The following HS6ST3 variants were observed in gnomAD, a reference collection of about 807,000 sequenced individuals.
HS6ST3 encodes heparan-sulfate 6-O-sulfotransferase 3.
Under a neutral mutation model 36.7 loss-of-function variants are expected in HS6ST3, and 12 were observed. That is an observed-to-expected ratio of 0.33 (90% CI 0.21 to 0.53). The LOEUF is 0.53. Ranked by LOEUF, HS6ST3 falls within the 20% of genes least tolerant of loss-of-function variation. The pLI is 0.95. For missense variants in HS6ST3, 584 were observed against 640.9 expected (o/e 0.91, Z 0.96); for synonymous variants, 240 against 257.5 (o/e 0.93, Z 0.65).
chr13:96,293,892 A>G (rs1043390037), intron 1 of HS6ST3, among the ~76,000 whole-genome samples: 1 of 152,052 alleles, frequency 6.6e-6, no homozygotes, highest in Non-Finnish European at 1.5e-5. Flanking sequence ...GTGATAGAGG[A>G]TGTTAGTTGT....
At chr13:96,312,768 G>A (rs1455380859) in intron 1 of HS6ST3, among the ~76,000 whole-genome samples, 2 of 151,708 alleles carry the variant, frequency 1.3e-5, no homozygotes, top group African/African-American at 2.4e-5. Flanking sequence ...CCTGGCCAAC[G>A]TGATGAAACC....
At chr13:96,525,464 C>A (rs1194871086) in intron 1 of HS6ST3, among the ~76,000 whole-genome samples, 4 of 152,128 alleles carry the variant, frequency 2.6e-5, no homozygotes, top group African/African-American at 9.7e-5. Context: ...TTGGCTGTTA[C>A]CTCTACAGCC....
intron 1 of HS6ST3, among the ~76,000 whole-genome samples, chr13:96,681,812 A>G (rs1221697565): frequency 1.3e-5 from 2 of 152,090 alleles, no homozygotes; most frequent in Non-Finnish European, 2.9e-5. Context: ...ACTTATGGCC[A>G]TTTATTGAAC....
intron 1 of HS6ST3, among the ~76,000 whole-genome samples, chr13:96,469,589 A>T (rs2055830885): frequency 6.6e-6 from 1 of 152,202 alleles, no homozygotes; most frequent in Admixed American, 6.6e-5. Flanking sequence ...CTTGGTTGCC[A>T]TTCAATGAGC....
chr13:96,835,549 C>T lies in HS6ST3; in HGVS notation c.*2351C>T, dbSNP rs1878904600. ...TAGCTTCTCATCTCATTGTTAGGAT[C>T]TAATGTTCTGCCTAGAATAGCAGGA... On this transcript the variant is annotated 3_prime_UTR_variant, in exon 2 of 2. Coordinates refer to ENST00000376705, the MANE Select transcript of HS6ST3 (RefSeq NM_153456.4). 6.6e-6 allele frequency: 1 copy of T among 151,374 alleles called. No individual in the cohort carries two copies. The highest frequency in any genetic ancestry group is 2.1e-4 in the South Asian group (1 of 4,774). The allele number at this position is 151,374 out of a possible 1,614,324, so 9.4% of individuals were successfully genotyped here.
At chr13:96,255,733 G>C (rs2054633956) in intron 1 of HS6ST3, among the ~76,000 whole-genome samples, 1 of 152,144 alleles carries the variant, frequency 6.6e-6, no homozygotes, top group Admixed American at 6.6e-5. Context: ...TAAGAAGTCT[G>C]TAGAAAACTT....
intron 1 of HS6ST3, among the ~76,000 whole-genome samples, chr13:96,467,038 T>C (rs141161509): frequency 4.9e-4 from 75 of 152,326 alleles, no homozygotes; most frequent in African/African-American, 1.7e-3. Context: ...GTTTCAATCA[T>C]TTCATCTTCC....
chr13:96,599,907 C>A (rs145973991), intron 1 of HS6ST3, among the ~76,000 whole-genome samples: 383 of 152,190 alleles, frequency 2.5e-3, no homozygotes, highest in African/African-American at 8.2e-3. Context: ...CATTCAGGGG[C>A]AGATTCTTTA....
intron 1 of HS6ST3, among the ~76,000 whole-genome samples, chr13:96,262,908 A>T (rs892737260): frequency 6.6e-6 from 1 of 152,164 alleles, no homozygotes; most frequent in Non-Finnish European, 1.5e-5. Flanking sequence ...AACTTGTTTT[A>T]TACCTCAGAC....
chr13:96,208,139 A>G (rs2054381181), intron 1 of HS6ST3, among the ~76,000 whole-genome samples: 1 of 152,166 alleles, frequency 6.6e-6, no homozygotes, highest in Admixed American at 6.6e-5. Context: ...TAAAATCATA[A>G]AATATTAAAG....
intron 1 of HS6ST3, among the ~76,000 whole-genome samples, chr13:96,183,741 GAA>G (rs2054251325): frequency 6.6e-6 from 1 of 152,214 alleles, no homozygotes; most frequent in Admixed American, 6.5e-5. Context: ...CATGGAGACA[GAA>G]AACAGTGGTT....
At chr13:96,587,711 C>T (rs1434335960) in intron 1 of HS6ST3, among the ~76,000 whole-genome samples, 1 of 152,144 alleles carries the variant, frequency 6.6e-6, no homozygotes, top group Non-Finnish European at 1.5e-5. Flanking sequence ...GGCATTACTC[C>T]CTTAATGAGG....
intron 1 of HS6ST3, among the ~76,000 whole-genome samples, chr13:96,639,778 A>G (rs2056563600): frequency 6.6e-6 from 1 of 151,864 alleles, no homozygotes; most frequent in African/African-American, 2.4e-5. Context: ...TTCACTCTCT[A>G]TTATAAATGA....
chr13:96,376,863 C>G (rs2055317547), intron 1 of HS6ST3, among the ~76,000 whole-genome samples: 1 of 151,940 alleles, frequency 6.6e-6, no homozygotes, highest in African/African-American at 2.4e-5. Context: ...TGCCTGTAAT[C>G]CCAGCACTTT....
intron 1 of HS6ST3, among the ~76,000 whole-genome samples, chr13:96,612,734 A>G (rs1435751953): frequency 6.6e-6 from 1 of 152,090 alleles, no homozygotes; most frequent in East Asian, 1.9e-4. Context: ...CATCTACCTA[A>G]TAAAATTGCC....
chr13:96,099,939 G>A (rs1594675774), intron 1 of HS6ST3, among the ~76,000 whole-genome samples: 1 of 152,168 alleles, frequency 6.6e-6, no homozygotes, highest in Non-Finnish European at 1.5e-5. Context: ...AGAAAGACAT[G>A]TGGTAACTTA....
At chr13:96,753,488 A>G (rs936008014) in intron 1 of HS6ST3, among the ~76,000 whole-genome samples, 4 of 152,220 alleles carry the variant, frequency 2.6e-5, no homozygotes, top group East Asian at 3.9e-4. Flanking sequence ...AATGTTATCT[A>G]TTTGTTAACT....
At chr13:96,520,261 T>C (rs1408528598) in intron 1 of HS6ST3, among the ~76,000 whole-genome samples, 1 of 152,216 alleles carries the variant, frequency 6.6e-6, no homozygotes, top group Non-Finnish European at 1.5e-5. Flanking sequence ...ACTGTAGCCT[T>C]GTAGTATAGT....
intron 1 of HS6ST3, among the ~76,000 whole-genome samples, chr13:96,309,181 C>T (rs1202946197): frequency 6.6e-6 from 1 of 152,076 alleles, no homozygotes; most frequent in Non-Finnish European, 1.5e-5. Context: ...TTACCACCTT[C>T]TGGTTTTTAT....
Sources: allele counts gnomAD v4.1 joint callset (sites outside exome capture counted in the v4.1 genomes callset), GRCh38; gene constraint gnomAD v4.1.1; transcripts MANE v1.5; gene names NCBI Gene and HGNC (gene_info 2026-07-23, HGNC 2026-07-21).